SUCLG2: variants seen among roughly 807,000 people sequenced by gnomAD.
SUCLG2 encodes succinate--CoA ligase [GDP-forming] subunit beta, mitochondrial.
SUCLG2 carries 42 observed loss-of-function variants against 47.9 expected under a neutral mutation model. The observed-to-expected ratio is 0.88, with a 90% CI of 0.69 to 1.14. The LOEUF (loss-of-function observed/expected upper bound fraction) is 1.14, where lower values mean the gene tolerates loss of function less well. Ranked by LOEUF, SUCLG2 falls within the 50% of genes most tolerant of loss-of-function variation. SUCLG2 has a pLI of 0.00. For missense variants in SUCLG2, 571 were observed against 525.9 expected (o/e 1.09, Z -0.84); for synonymous variants, 195 against 197.3 (o/e 0.99, Z 0.10).
At chr3:67,476,360 A>G (rs1704755866) in intron 9 of SUCLG2, among the ~76,000 whole-genome samples, 1 of 151,844 alleles carries the variant, frequency 6.6e-6, no homozygotes, top group African/African-American at 2.4e-5. Context: ...CATGATCCCT[A>G]TTGTGAACTG....
chr3:67,479,930 TA>T (rs1704867561), intron 9 of SUCLG2, among the ~76,000 whole-genome samples: 1 of 152,210 alleles, frequency 6.6e-6, no homozygotes, highest in Non-Finnish European at 1.5e-5. Flanking sequence ...AGATTATCCT[TA>T]ATTCTCATCT....
At chr3:67,639,224 G>A (rs1386410973) in intron 1 of SUCLG2, among the ~76,000 whole-genome samples, 1 of 152,114 alleles carries the variant, frequency 6.6e-6, no homozygotes, top group Non-Finnish European at 1.5e-5. Flanking sequence ...TACTTTCATG[G>A]ACACTATTAC....
intron 9 of SUCLG2, among the ~76,000 whole-genome samples, chr3:67,442,014 T>TC (rs1165737790): frequency 4.1e-5 from 6 of 146,096 alleles, no homozygotes; most frequent in African/African-American, 1.2e-4. Context: ...CTTTCTTTCT[T>TC]TTTTTTTTTT....
At chr3:67,596,009 A>G (rs1240427017) in intron 2 of SUCLG2, among the ~76,000 whole-genome samples, 2 of 152,240 alleles carry the variant, frequency 1.3e-5, no homozygotes, top group African/African-American at 4.8e-5. Context: ...AAATCATTCC[A>G]TTTTGTAAAT....
intron 9 of SUCLG2, among the ~76,000 whole-genome samples, chr3:67,488,071 TATATG>T (rs1464816357): frequency 2.2e-4 from 33 of 152,132 alleles, no homozygotes; most frequent in East Asian, 7.7e-4. Flanking sequence ...TATTGTCAAT[TATATG>T]ATATAAGTCT....
intron 9 of SUCLG2, among the ~76,000 whole-genome samples, chr3:67,441,317 T>C: frequency 6.6e-6 from 1 of 151,604 alleles, no homozygotes; most frequent in South Asian, 2.1e-4. Context: ...ATGGCATGTG[T>C]ATAACTATGT....
At chr3:67,400,071 CAT>C (rs1234425657) in intron 10 of SUCLG2, among the ~76,000 whole-genome samples, 4 of 152,074 alleles carry the variant, frequency 2.6e-5, no homozygotes, top group Non-Finnish European at 2.9e-5. Flanking sequence ...TTGAAAAACA[CAT>C]ATGTCTGTGA....
intron 2 of SUCLG2, among the ~76,000 whole-genome samples, chr3:67,587,186 G>A (rs1212383430): frequency 3.3e-5 from 5 of 152,222 alleles, no homozygotes; most frequent in Middle Eastern, 3.4e-3. Context: ...AGCTTCCCTC[G>A]GTGACTGAGA....
At chr3:67,505,595 T>C (rs919130096) in intron 7 of SUCLG2, among the ~76,000 whole-genome samples, 28 of 152,284 alleles carry the variant, frequency 1.8e-4, no homozygotes, top group African/African-American at 6.3e-4. Context: ...TGTACAAATA[T>C]ATGAACAATA....
At chr3:67,362,297 T>C (rs1429002108) in intron 10 of SUCLG2, among the ~76,000 whole-genome samples, 1 of 152,064 alleles carries the variant, frequency 6.6e-6, no homozygotes, top group Non-Finnish European at 1.5e-5. Flanking sequence ...AGCTGTCTCT[T>C]ATGCGTCTCC....
chr3:67,411,608 C>T (rs771316633), intron 9 of SUCLG2, among the ~76,000 whole-genome samples: 1 of 151,994 alleles, frequency 6.6e-6, no homozygotes. Context: ...ATTTTTAAAA[C>T]ACATACATGT....
chr3:67,630,063 C>T (rs915652611), intron 1 of SUCLG2, among the ~76,000 whole-genome samples: 2 of 151,432 alleles, frequency 1.3e-5, no homozygotes, highest in Non-Finnish European at 2.9e-5. Context: ...TATGCTGTCT[C>T]TAAAAATAAA....
chr3:67,559,878 G>A (rs1707262644), intron 2 of SUCLG2, among the ~76,000 whole-genome samples: 1 of 151,706 alleles, frequency 6.6e-6, no homozygotes, highest in African/African-American at 2.4e-5. Context: ...TTATGAACTT[G>A]GCCTGATGAT....
At position 67,482,552 on chromosome 3, in the gene SUCLG2, A is replaced by G. The variant is rs145321160; in HGVS notation, c.1062+13246T>C. 8.5e-5 allele frequency among the ~76,000 whole-genome samples: 13 copies of G among 152,322 alleles called. No homozygotes were observed. The East Asian group carries it at 2.1e-3, about 25-fold the overall frequency. ...TCTTTGGAATTTGGTCAGCACTGTC[A>G]GCATTTGGATTAACTATTTGGTCGT... On this transcript the variant is annotated intron_variant, in intron 9 of 10. Coordinates refer to ENST00000307227, the MANE Select transcript of SUCLG2 (RefSeq NM_003848.4).
intron 2 of SUCLG2, among the ~76,000 whole-genome samples, chr3:67,559,240 G>A (rs558766671): frequency 2.0e-5 from 3 of 152,134 alleles, no homozygotes; most frequent in Non-Finnish European, 4.4e-5. Flanking sequence ...TTCGATTGTA[G>A]TATGAACGAG....
chr3:67,441,363 C>G (rs1292702404), intron 9 of SUCLG2, among the ~76,000 whole-genome samples: 1 of 147,312 alleles, frequency 6.8e-6, no homozygotes, highest in Non-Finnish European at 1.5e-5. Flanking sequence ...TATCTCAGAA[C>G]TTAAAAAAAA....
intron 7 of SUCLG2, among the ~76,000 whole-genome samples, chr3:67,501,562 A>C: frequency 6.6e-6 from 1 of 151,800 alleles, no homozygotes; most frequent in Non-Finnish European, 1.5e-5. Context: ...ATTTTCTGGG[A>C]GATAGGAGAG....
intron 4 of SUCLG2, among the ~76,000 whole-genome samples, chr3:67,527,661 A>G (rs1413262164): frequency 6.6e-6 from 1 of 152,170 alleles, no homozygotes; most frequent in African/African-American, 2.4e-5. Context: ...TCCTAATGCA[A>G]TATACCCCCA....
At chr3:67,520,410 T>A (rs1706064102) in intron 5 of SUCLG2, 72 bp downstream of exon 5, 15 of 1,599,738 alleles carry the variant, frequency 9.4e-6, no homozygotes, top group Non-Finnish European at 1.2e-5. Context: ...GGCCTTAGAC[T>A]CCCCATTAAA....
Sources: allele counts gnomAD v4.1 joint callset (sites outside exome capture counted in the v4.1 genomes callset), GRCh38; gene constraint gnomAD v4.1.1; transcripts MANE v1.5; gene names NCBI Gene and HGNC (gene_info 2026-07-23, HGNC 2026-07-21).